SCAPER: variants seen among roughly 807,000 people sequenced by gnomAD.
SCAPER encodes S-phase cyclin A associated protein in the ER.
In SCAPER, 98 loss-of-function variants were observed where a neutral mutation model predicts 182.2. The observed-to-expected ratio is 0.54, with a 90% CI of 0.46 to 0.64. The LOEUF (loss-of-function observed/expected upper bound fraction) is 0.64, where lower values mean the gene tolerates loss of function less well. Ranked by LOEUF, SCAPER falls within the 30% of genes least tolerant of loss-of-function variation. The pLI is 0.00. For synonymous variants in SCAPER, 605 were observed against 564.6 expected, an observed-to-expected ratio of 1.07 and a Z score of -1.01; for missense variants, 1,432 against 1,690.0, an observed-to-expected ratio of 0.85 and a Z score of 2.68.
intron 29 of SCAPER, among the ~76,000 whole-genome samples, chr15:76,371,111 T>C (rs998096471): frequency 1.4e-4 from 21 of 152,322 alleles, no homozygotes; most frequent in Admixed American, 1.3e-3. Context: ...TGATCTTTCA[T>C]AGAGAAATGA....
At chr15:76,814,461 C>T (rs558050921) in intron 5 of SCAPER, among the ~76,000 whole-genome samples, 8 of 151,972 alleles carry the variant, frequency 5.3e-5, no homozygotes, top group Non-Finnish European at 1.0e-4. Context: ...GAAATAAACT[C>T]AAGCATATGT....
chr15:76,455,871 G>C (rs532548744), intron 25 of SCAPER, among the ~76,000 whole-genome samples: 1 of 152,100 alleles, frequency 6.6e-6, no homozygotes, highest in Non-Finnish European at 1.5e-5. Context: ...TCCCCTCCCT[G>C]TGTCCATGTA....
intron 20 of SCAPER, among the ~76,000 whole-genome samples, chr15:76,697,376 C>G (rs1484208320): frequency 6.6e-6 from 1 of 152,112 alleles, no homozygotes; most frequent in Non-Finnish European, 1.5e-5. Flanking sequence ...CAAACTGAAA[C>G]AGTACACAAA....
chr15:76,612,109 G>T (rs1484732224), intron 22 of SCAPER, among the ~76,000 whole-genome samples: 1 of 152,162 alleles, frequency 6.6e-6, no homozygotes, highest in African/African-American at 2.4e-5. Context: ...TCAGGCAAGA[G>T]AAATAAATAA....
intron 22 of SCAPER, among the ~76,000 whole-genome samples, chr15:76,589,822 G>C (rs934091297): frequency 6.6e-6 from 1 of 152,156 alleles, no homozygotes; most frequent in Non-Finnish European, 1.5e-5. Context: ...AGTCAAAAAT[G>C]GCTTCCCTGG....
intron 25 of SCAPER, among the ~76,000 whole-genome samples, chr15:76,446,684 C>T (rs2142767003): frequency 6.6e-6 from 1 of 152,234 alleles, no homozygotes; most frequent in Non-Finnish European, 1.5e-5. Context: ...TTCTGGAGAA[C>T]CCCCTACAGT....
intron 26 of SCAPER, among the ~76,000 whole-genome samples, chr15:76,420,298 C>T (rs983558872): frequency 6.9e-6 from 1 of 145,300 alleles, no homozygotes; most frequent in Non-Finnish European, 1.5e-5. Context: ...TCTCAAACTC[C>T]TGGGCTCAAG....
chr15:76,490,114 G>A (rs973505452), intron 24 of SCAPER, among the ~76,000 whole-genome samples: 3 of 152,150 alleles, frequency 2.0e-5, no homozygotes, highest in Non-Finnish European at 4.4e-5. Context: ...TACAGAAGTG[G>A]TAATATCTCT....
At chr15:76,843,114 A>G (rs1433640255) in intron 4 of SCAPER, among the ~76,000 whole-genome samples, 2 of 152,226 alleles carry the variant, frequency 1.3e-5, no homozygotes, top group Non-Finnish European at 2.9e-5. Context: ...CATCCATAAA[A>G]TGTGGTATAT....
At chr15:76,699,650 C>G (rs1254178954) in intron 20 of SCAPER, among the ~76,000 whole-genome samples, 1 of 152,146 alleles carries the variant, frequency 6.6e-6, no homozygotes, top group African/African-American at 2.4e-5. Context: ...GAGACCAGGC[C>G]CATGGCTTTG....
intron 20 of SCAPER, among the ~76,000 whole-genome samples, chr15:76,678,160 T>C (rs747409289): frequency 6.6e-6 from 1 of 152,058 alleles, no homozygotes; most frequent in Admixed American, 6.5e-5. Flanking sequence ...CAAAGCTTAA[T>C]TACAGTAATA....
chr15:76,839,422 G>A (rs2069245601), intron 5 of SCAPER, among the ~76,000 whole-genome samples: 2 of 152,206 alleles, frequency 1.3e-5, no homozygotes, highest in South Asian at 4.1e-4. Flanking sequence ...GGATGGCAGT[G>A]CTTTGATAAT....
At chr15:76,372,033 T>C (rs1190722338) in intron 29 of SCAPER, among the ~76,000 whole-genome samples, 1 of 152,190 alleles carries the variant, frequency 6.6e-6, no homozygotes, top group Non-Finnish European at 1.5e-5. Flanking sequence ...TACCTTTTTT[T>C]TTTAATCTTG....
rs1263784938 is a variant in SCAPER at position 76,782,431 on chromosome 15, G to C, written c.773-7314C>G. Among the ~76,000 whole-genome samples the C allele has an allele frequency of 2.0e-5, 3 of 152,090 alleles. 1 individual carries two copies. In the East Asian group the frequency reaches 5.8e-4, roughly 29 times the overall value. On this transcript the variant is annotated intron_variant, in intron 8 of 31. Coordinates refer to ENST00000563290, the MANE Select transcript of SCAPER (RefSeq NM_020843.4). The stretch of plus-strand genomic sequence containing the variant: ...ACTTAGACTCCCACACAATAATAAT[G>C]GGAGACTTTAATACCCCACTATCCA...
At chr15:76,823,342 C>T (rs1598932704) in intron 5 of SCAPER, among the ~76,000 whole-genome samples, 1 of 151,982 alleles carries the variant, frequency 6.6e-6, no homozygotes, top group Non-Finnish European at 1.5e-5. Flanking sequence ...CCCCTGTAAT[C>T]CCAGCTACTC....
At chr15:76,452,758 A>G (rs1441448131) in intron 25 of SCAPER, among the ~76,000 whole-genome samples, 10 of 151,976 alleles carry the variant, frequency 6.6e-5, no homozygotes, top group Admixed American at 5.9e-4. Flanking sequence ...CAAAACTTTT[A>G]TTTTTGTATT....
Position 76,804,578 on chromosome 15 carries a change from C to T in SCAPER, c.449G>A (p.Trp150Ter). The T allele has an allele frequency of 1.9e-6, 3 of 1,611,800 alleles. No homozygotes were observed. The highest frequency in any genetic ancestry group is 2.5e-6 in the Non-Finnish European group (3 of 1,179,360). Residue 150 changes from tryptophan to a stop codon, truncating the protein, a stop_gained, in exon 6 of 32, where the codon TGG becomes TAG. Coordinates refer to ENST00000563290, the MANE Select transcript of SCAPER (RefSeq NM_020843.4). LOFTEE classifies it high-confidence loss of function. ...CTCTAGCTTTTCCTGAAGCTGAATCCAGTCAATCAATGCTTTGAAATCTCT... is the reference window on the plus strand; with the variant it reads ...CTCTAGCTTTTCCTGAAGCTGAATCTAGTCAATCAATGCTTTGAAATCTCT... ...YVRDFKALIDWIQLQEKLEKT... is the reference protein window; with the variant it reads ...YVRDFKALID
intron 27 of SCAPER, among the ~76,000 whole-genome samples, chr15:76,394,950 G>T (rs1048393652): frequency 2.6e-5 from 4 of 151,896 alleles, no homozygotes; most frequent in Non-Finnish European, 4.4e-5. Context: ...TCATTCTAAC[G>T]CTTTTATTTT....
At chr15:76,574,402 A>G in intron 22 of SCAPER, 118 bp from the exon 23 acceptor site, 2 of 1,185,084 alleles carry the variant, frequency 1.7e-6, no homozygotes, top group Non-Finnish European at 2.3e-6. Flanking sequence ...TGCTTCACAG[A>G]GCATCTGAGG....
Sources: allele counts gnomAD v4.1 joint callset (sites outside exome capture counted in the v4.1 genomes callset), GRCh38; gene constraint gnomAD v4.1.1; transcripts MANE v1.5; gene names NCBI Gene and HGNC (gene_info 2026-07-23, HGNC 2026-07-21).